Variants in SLX4IP observed in about 807,000 individuals in gnomAD.
SLX4IP encodes SLX4 interacting protein, also known as protein SLX4IP.
A neutral mutation model predicts 32.9 loss-of-function variants in SLX4IP; 34 were observed. The ratio of observed to expected loss-of-function variants is 1.03; its 90% confidence interval spans 0.79 to 1.38. SLX4IP has a LOEUF of 1.38. Among genes scored for constraint, SLX4IP ranks in the 40% most tolerant of loss-of-function variants. The pLI is 0.00. For missense variants in SLX4IP, 444 were observed against 479.0 expected, an observed-to-expected ratio of 0.93 and a Z score of 0.68; for synonymous variants, 172 against 171.7, an observed-to-expected ratio of 1.00 and a Z score of -0.01.
Position 10,518,390 on chromosome 20 carries a change from C to CCTTT in SLX4IP, c.28-37827_28-37824dup, listed in dbSNP as rs1265095977. On this transcript the variant is annotated intron_variant, in intron 2 of 7. Coordinates refer to ENST00000334534, the MANE Select transcript of SLX4IP (RefSeq NM_001009608.3). Reference sequence around the variant, plus strand: ...TTCTCTCTCTCTTTCTTTCCTTCTTCCTTTCTTTCTTTCTTTCCTTCCTTC... The same window carrying CCTTT: ...TTCTCTCTCTCTTTCTTTCCTTCTTCCTTTCTTTCTTTCTTTCTTTCCTTCCTTC... Among the ~76,000 whole-genome samples, 328 of 119,860 alleles carry CCTTT rather than the reference C, an allele frequency of 2.7e-3. 21 individuals carry two copies. The highest frequency in any genetic ancestry group is 8.6e-3 in the Middle Eastern group (2 of 232). The allele number at this position is 119,860 out of a possible 152,430, so 78.6% of individuals were successfully genotyped here.
chr20:10,508,624 A>G (rs185693140), intron 2 of SLX4IP, among the ~76,000 whole-genome samples: 2 of 152,226 alleles, frequency 1.3e-5, no homozygotes, highest in Admixed American at 6.5e-5. Flanking sequence ...CCTACAGTAC[A>G]TGGCCCAGAC....
rs140263507 is a variant in SLX4IP at position 10,511,229 on chromosome 20, G to A, written c.28-45002G>A. On this transcript the variant is annotated intron_variant, in intron 2 of 7. Transcript: ENST00000334534. ...TCTGGTGTATCCTACATATTTCCCC[G>A]TTCTTAAGATGGGGCTGATGGTGTG... is the stretch of plus-strand genomic sequence containing the variant. 5.4e-3 allele frequency among the ~76,000 whole-genome samples: 820 copies of A among 152,256 alleles called. 4 individuals carry two copies. Among genetic ancestry groups the A allele is most frequent in the Non-Finnish European group, 8.6e-3 (582 of 68,030 alleles).
At chr20:10,598,609 G>T in intron 4 of SLX4IP, 66 bp from the exon 5 acceptor site, 1 of 1,427,332 alleles carries the variant, frequency 7.0e-7, no homozygotes, top group South Asian at 1.1e-5. Context: ...GGCAGGCACT[G>T]GGCTGAACTC....
At chr20:10,598,798 C>T (rs1192134093) in intron 5 of SLX4IP, 46 bp downstream of exon 5, 1 of 1,573,404 alleles carries the variant, frequency 6.4e-7, no homozygotes, top group Non-Finnish European at 8.7e-7. Context: ...ACACAATCTG[C>T]TTGCCCTAGA....
intron 6 of SLX4IP, among the ~76,000 whole-genome samples, chr20:10,608,330 T>C (rs1347655037): frequency 1.3e-5 from 2 of 152,172 alleles, no homozygotes; most frequent in African/African-American, 4.8e-5. Context: ...TGTACAGCGT[T>C]CTCAAGTTTT....
intron 2 of SLX4IP, among the ~76,000 whole-genome samples, chr20:10,520,847 A>T (rs2065896132): frequency 6.6e-6 from 1 of 152,188 alleles, no homozygotes; most frequent in Admixed American, 6.5e-5. Flanking sequence ...AACAAAAATA[A>T]TAGTTCCCTC....
chr20:10,440,032 A>G (rs1229740998), intron 1 of SLX4IP, among the ~76,000 whole-genome samples: 1 of 152,214 alleles, frequency 6.6e-6, no homozygotes, highest in Non-Finnish European at 1.5e-5. Context: ...GATTTGACTC[A>G]TATTAATTAT....
intron 6 of SLX4IP, among the ~76,000 whole-genome samples, chr20:10,616,697 T>C (rs557936401): frequency 6.6e-6 from 1 of 152,316 alleles, no homozygotes; most frequent in African/African-American, 2.4e-5. Context: ...TTGTGGCTTG[T>C]CCTTCACTCA....
chr20:10,485,618 C>CAA (rs35879869), intron 2 of SLX4IP, among the ~76,000 whole-genome samples: 2 of 137,196 alleles, frequency 1.5e-5, no homozygotes, highest in Non-Finnish European at 3.1e-5. Flanking sequence ...GAGACTCTGT[C>CAA]AAAAAAAAAA....
At chr20:10,502,444 G>C (rs532605849) in intron 2 of SLX4IP, among the ~76,000 whole-genome samples, 1 of 152,152 alleles carries the variant, frequency 6.6e-6, no homozygotes, top group African/African-American at 2.4e-5. Flanking sequence ...CAGGCCTTCC[G>C]ATCTGACTCT....
At chr20:10,549,494 T>C (rs2066197515) in intron 2 of SLX4IP, among the ~76,000 whole-genome samples, 1 of 152,160 alleles carries the variant, frequency 6.6e-6, no homozygotes. Context: ...TGGCTGCCAT[T>C]GCTCACCTAG....
At chr20:10,471,064 A>G (rs2065420587) in intron 2 of SLX4IP, among the ~76,000 whole-genome samples, 1 of 152,224 alleles carries the variant, frequency 6.6e-6, no homozygotes, top group Non-Finnish European at 1.5e-5. Flanking sequence ...TATCAAATTA[A>G]TATAAAAGAC....
chr20:10,567,932 T>G (rs1295096587), intron 4 of SLX4IP, among the ~76,000 whole-genome samples: 1 of 152,218 alleles, frequency 6.6e-6, no homozygotes. Context: ...TAGGCACAAA[T>G]TTTTATCTGT....
At chr20:10,471,203 C>T (rs994630968) in intron 2 of SLX4IP, among the ~76,000 whole-genome samples, 1 of 152,142 alleles carries the variant, frequency 6.6e-6, no homozygotes, top group Non-Finnish European at 1.5e-5. Flanking sequence ...TGTTCCTGGT[C>T]TCATAATTCT....
chr20:10,475,433 G>A (rs543726505), intron 2 of SLX4IP, among the ~76,000 whole-genome samples: 4 of 152,282 alleles, frequency 2.6e-5, no homozygotes, highest in African/African-American at 7.2e-5. Context: ...ACTTGAAATG[G>A]GCAGTTTATG....
chr20:10,548,263 G>A (rs1305005368), intron 2 of SLX4IP, among the ~76,000 whole-genome samples: 1 of 151,870 alleles, frequency 6.6e-6, no homozygotes, highest in Non-Finnish European at 1.5e-5. Flanking sequence ...TTCTGAAACG[G>A]AGTCTCGCTC....
At chr20:10,497,470 C>G (rs1429843437) in intron 2 of SLX4IP, among the ~76,000 whole-genome samples, 1 of 152,074 alleles carries the variant, frequency 6.6e-6, no homozygotes, top group African/African-American at 2.4e-5. Flanking sequence ...GGAATCATTT[C>G]CTCAATTTTG....
At chr20:10,483,995 C>G (rs905762176) in intron 2 of SLX4IP, among the ~76,000 whole-genome samples, 12 of 152,116 alleles carry the variant, frequency 7.9e-5, no homozygotes, top group Non-Finnish European at 1.5e-4. Context: ...ACCATTAGAT[C>G]ATACTTTTAA....
chr20:10,469,031 T>TA lies in SLX4IP; in HGVS notation c.27+10809dup, dbSNP rs201744535. ...AATACACTTATACTAACAATAGCTT[T>TA]AAAAAAAAATCGCAAAAAAAATCTC... On this transcript the variant is annotated intron_variant, in intron 2 of 7. Transcript: ENST00000334534. Among the ~76,000 whole-genome samples the TA allele has an allele frequency of 7.2e-4, 109 of 151,820 alleles. No homozygotes were observed. In the Middle Eastern group the frequency reaches 0.01, roughly 14 times the overall value.
Sources: gnomAD v4.1 joint callset for allele counts (sites outside exome capture counted in the v4.1 genomes callset) on GRCh38, gnomAD v4.1.1 for gene constraint, MANE v1.5 for transcripts, NCBI Gene and HGNC (gene_info 2026-07-23, HGNC 2026-07-21) for gene names.